The following SIL1 variants were observed in gnomAD, a reference collection of about 807,000 sequenced individuals.
SIL1 encodes the protein SIL1 nucleotide exchange factor.
Under a neutral mutation model 49.1 loss-of-function variants are expected in SIL1, and 40 were observed. The ratio of observed to expected loss-of-function variants is 0.81; its 90% CI spans 0.63 to 1.06. The LOEUF is 1.06. Among genes scored for constraint, SIL1 ranks in the 50% least tolerant of loss-of-function variants. SIL1 has a pLI of 0.00. For synonymous variants in SIL1, 253 were observed against 250.8 expected (o/e 1.01, Z -0.08); for missense variants, 500 against 572.6 (o/e 0.87, Z 1.29).
intron 7 of SIL1, among the ~76,000 whole-genome samples, chr5:138,969,519 C>T (rs1465090998): frequency 1.3e-5 from 2 of 152,210 alleles, no homozygotes; most frequent in Non-Finnish European, 2.9e-5. Context: ...TGCAATAATA[C>T]TCCACGCTCC....
At chr5:139,004,317 A>T (rs1337601049) in intron 7 of SIL1, among the ~76,000 whole-genome samples, 1 of 152,150 alleles carries the variant, frequency 6.6e-6, no homozygotes, top group Non-Finnish European at 1.5e-5. Context: ...TTTATAACCC[A>T]GTCTTTCTGT....
chr5:139,144,650 C>T (rs1007733305), intron 1 of SIL1, among the ~76,000 whole-genome samples: 3 of 152,188 alleles, frequency 2.0e-5, no homozygotes, highest in Non-Finnish European at 4.4e-5. Context: ...GCAGGCAGAT[C>T]ACCTGATGTC....
chr5:139,171,232 G>C (rs1207401837), intron 1 of SIL1, among the ~76,000 whole-genome samples: 1 of 152,214 alleles, frequency 6.6e-6, no homozygotes, highest in African/African-American at 2.4e-5. Flanking sequence ...GGGCCGGGAT[G>C]ACAATGGCGG....
chr5:139,025,350 G>A (rs901131504), intron 6 of SIL1, among the ~76,000 whole-genome samples: 7 of 152,104 alleles, frequency 4.6e-5, no homozygotes, highest in African/African-American at 1.4e-4. Context: ...CACTCACTAG[G>A]CTGGATGATC....
intron 3 of SIL1, among the ~76,000 whole-genome samples, chr5:139,056,691 G>C (rs1365966779): frequency 1.3e-5 from 2 of 150,134 alleles, no homozygotes; most frequent in Non-Finnish European, 3.0e-5. Context: ...CCGGGAGGGA[G>C]GTGGGGGCGT....
At chr5:139,083,965 A>G (rs1482983760) in intron 3 of SIL1, among the ~76,000 whole-genome samples, 3 of 104,618 alleles carry the variant, frequency 2.9e-5, no homozygotes, top group African/African-American at 1.2e-4. Flanking sequence ...TGTTTTTCTC[A>G]GGTTTGTCAA....
At chr5:138,961,900 T>C (rs1440612908) in intron 7 of SIL1, among the ~76,000 whole-genome samples, 1 of 151,884 alleles carries the variant, frequency 6.6e-6, no homozygotes. Context: ...GAGTTTTACC[T>C]TCCCCTTTTA....
At chr5:139,129,002 C>T (rs1016909259) in intron 1 of SIL1, among the ~76,000 whole-genome samples, 7 of 152,126 alleles carry the variant, frequency 4.6e-5, no homozygotes, top group African/African-American at 1.7e-4. Context: ...CAAAAATTTG[C>T]TGGGTGTGGT....
chr5:139,005,038 G>A (rs917851242), intron 7 of SIL1, among the ~76,000 whole-genome samples: 10 of 152,064 alleles, frequency 6.6e-5, no homozygotes, highest in Non-Finnish European at 1.2e-4. Flanking sequence ...ATGGACAGGA[G>A]GATTAAGTCC....
intron 1 of SIL1, chr5:139,137,220 G>A (rs1019421075): frequency 4.6e-6 from 3 of 648,368 alleles, no homozygotes; most frequent in African/African-American, 1.8e-5. Context: ...TTTCCATGTT[G>A]CAAGCAAAGT....
chr5:139,009,069 G>T (rs929576563), intron 7 of SIL1, among the ~76,000 whole-genome samples: 1 of 151,410 alleles, frequency 6.6e-6, no homozygotes, highest in Non-Finnish European at 1.5e-5. Flanking sequence ...GGGTGTTAAA[G>T]TCTCCCATTA....
At chr5:139,183,412 G>A (rs903780462) in intron 1 of SIL1, among the ~76,000 whole-genome samples, 14 of 152,226 alleles carry the variant, frequency 9.2e-5, no homozygotes, top group African/African-American at 1.9e-4. Context: ...CTGCCTCCCC[G>A]GAGTTTCCAG....
intron 3 of SIL1, among the ~76,000 whole-genome samples, chr5:139,110,995 A>G (rs941570463): frequency 6.6e-6 from 1 of 152,208 alleles, no homozygotes; most frequent in African/African-American, 2.4e-5. Context: ...TGCACTGCCC[A>G]GGGCTCAGAT....
chr5:139,071,976 A>T (rs1030296711), intron 3 of SIL1, among the ~76,000 whole-genome samples: 3 of 152,142 alleles, frequency 2.0e-5, no homozygotes, highest in Non-Finnish European at 2.9e-5. Context: ...GCAAATTTTT[A>T]TTTATTTAAT....
chr5:139,066,112 TC>T (rs1283432423), intron 3 of SIL1, among the ~76,000 whole-genome samples: 2 of 152,100 alleles, frequency 1.3e-5, no homozygotes, highest in African/African-American at 4.8e-5. Flanking sequence ...AAGTACAGCA[TC>T]CCCCAGGACA....
chr5:138,955,700 T>C (rs1292325620), intron 7 of SIL1, among the ~76,000 whole-genome samples: 1 of 152,184 alleles, frequency 6.6e-6, no homozygotes, highest in African/African-American at 2.4e-5. Flanking sequence ...CAGGCCCAAG[T>C]GCAACATGAA....
chr5:139,033,449 A>G (rs1768836448), intron 5 of SIL1, among the ~76,000 whole-genome samples: 1 of 151,564 alleles, frequency 6.6e-6, no homozygotes. Flanking sequence ...AGTTTCTTGA[A>G]GTAGGACCTT....
intron 7 of SIL1, among the ~76,000 whole-genome samples, chr5:138,956,515 G>A (rs552985755): frequency 1.8e-3 from 271 of 152,222 alleles, no homozygotes; most frequent in Non-Finnish European, 3.4e-3. Context: ...AGGCTGAGGC[G>A]GGCAGATCAC....
Position 138,946,797 on chromosome 5 carries a change from A to C in SIL1, c.*320T>G. 2 of 397,274 alleles carry C rather than the reference A, an allele frequency of 5.0e-6. No individual in the cohort carries two copies. The highest frequency in any genetic ancestry group is 2.9e-5 in the South Asian group (1 of 34,814). The allele number at this position is 397,274 out of a possible 1,614,324, so 24.6% of individuals were successfully genotyped here. A position where few individuals can be genotyped will look rare whatever the true frequency, so the allele number is the denominator to read the frequency against. The stretch of plus-strand genomic sequence containing the variant: ...GCTCAGAGCAATTAAGCGACTTCCC[A>C]AGGTACAGAGCTGCTGCTTGGTAAG... On this transcript the variant is annotated 3_prime_UTR_variant, in exon 10 of 10. Transcript: ENST00000394817.
Sources: allele counts gnomAD v4.1 joint callset (sites outside exome capture counted in the v4.1 genomes callset), GRCh38; gene constraint gnomAD v4.1.1; transcripts MANE v1.5; gene names NCBI Gene and HGNC (gene_info 2026-07-23, HGNC 2026-07-21).